Variants in PON3 observed in about 807,000 individuals in gnomAD.
The protein encoded by PON3 is serum paraoxonase/lactonase 3.
PON3 carries 37 observed loss-of-function variants against 36.3 expected under a neutral mutation model. The observed-to-expected ratio is 1.02, with a 90% CI of 0.78 to 1.34. The LOEUF (loss-of-function observed/expected upper bound fraction) is 1.34. PON3 is among the 40% of genes most tolerant of loss of function. The probability of loss-of-function intolerance (pLI) is 0.00; values close to 1 mark genes in which losing one functional copy is unlikely to be tolerated. For synonymous variants in PON3, 155 were observed against 154.8 expected (o/e 1.00, Z -0.01); for missense variants, 415 against 426.5 (o/e 0.97, Z 0.24).
chr7:95,361,967 G>A (rs564560279), intron 8 of PON3, among the ~76,000 whole-genome samples: 9 of 152,172 alleles, frequency 5.9e-5, no homozygotes, highest in South Asian at 2.1e-4. Flanking sequence ...ATTTTGAGGC[G>A]ACAGTTATTT....
At chr7:95,367,865 AC>A (rs1195639977) in intron 4 of PON3, among the ~76,000 whole-genome samples, 1 of 152,196 alleles carries the variant, frequency 6.6e-6, no homozygotes, top group African/African-American at 2.4e-5. Context: ...AGCAAACAAA[AC>A]TTTGCTGAGA....
chr7:95,381,320 T>G (rs1421024464), intron 3 of PON3, among the ~76,000 whole-genome samples: 3 of 152,038 alleles, frequency 2.0e-5, no homozygotes, highest in Admixed American at 6.5e-5. Flanking sequence ...CCAGCTAACA[T>G]CATAATGACA....
chr7:95,366,887 C>A (rs1808705950), intron 5 of PON3, among the ~76,000 whole-genome samples: 1 of 152,220 alleles, frequency 6.6e-6, no homozygotes, highest in African/African-American at 2.4e-5. Flanking sequence ...CAATGCTTAA[C>A]AAATGTAATT....
chr7:95,383,564 C>CA lies in PON3; in HGVS notation c.201+6589dup, dbSNP rs1809114447. ...AGCATTCTTATACACCAATAACAGA[C>CA]AAACAGAGAGCCAAATCATGAGTGA... On this transcript the variant is annotated intron_variant, in intron 3 of 8. Coordinates refer to ENST00000265627, the MANE Select transcript of PON3 (RefSeq NM_000940.3). 3.3e-5 allele frequency among the ~76,000 whole-genome samples: 5 copies of CA among 152,174 alleles called. 1 individual carries two copies. Among genetic ancestry groups the CA allele is most frequent in the African/African-American group, 1.2e-4 (5 of 41,492 alleles).
At chr7:95,396,250 A>G (rs375597140) in intron 1 of PON3, 27 bp downstream of exon 1, 41 of 1,612,194 alleles carry the variant, frequency 2.5e-5, no homozygotes, top group Non-Finnish European at 3.1e-5. Context: ...AAGAGAGTCG[A>G]AGACGCCCTG....
intron 3 of PON3, among the ~76,000 whole-genome samples, chr7:95,384,614 G>A (rs190796375): frequency 2.6e-4 from 40 of 152,230 alleles, no homozygotes; most frequent in Admixed American, 1.5e-3. Context: ...CATCATCACT[G>A]GCCATCAGAG....
chr7:95,380,774 C>T (rs1362258581), intron 3 of PON3, among the ~76,000 whole-genome samples: 1 of 152,222 alleles, frequency 6.6e-6, no homozygotes, highest in African/African-American at 2.4e-5. Context: ...TTGGAAAACA[C>T]TCTGCAGGAT....
At chr7:95,379,308 C>T (rs140436973) in intron 3 of PON3, among the ~76,000 whole-genome samples, 1,742 of 152,318 alleles carry the variant, frequency 0.011, 30 homozygotes, top group South Asian at 0.048. Flanking sequence ...TCTGCATTTC[C>T]AACTGAGGTA....
intron 3 of PON3, among the ~76,000 whole-genome samples, chr7:95,387,424 G>C (rs186172465): frequency 6.6e-6 from 1 of 152,106 alleles, no homozygotes; most frequent in Non-Finnish European, 1.5e-5. Context: ...CAACTTACAA[G>C]GGATGTGAAC....
At chr7:95,370,836 T>C (rs1395074549) in intron 4 of PON3, among the ~76,000 whole-genome samples, 2 of 152,258 alleles carry the variant, frequency 1.3e-5, no homozygotes, top group Non-Finnish European at 2.9e-5. Context: ...ATTCAGACTT[T>C]TAAAATGTAA....
chr7:95,390,288 T>A, intron 2 of PON3, 79 bp from the exon 3 acceptor site: 1 of 1,155,114 alleles, frequency 8.7e-7, no homozygotes, highest in Non-Finnish European at 1.3e-6. Flanking sequence ...ACTACAAATA[T>A]CTTTTGGAAA....
rs181894659 is a variant in PON3 at position 95,396,033 on chromosome 7, A to C, written c.74+244T>G. The C allele has an allele frequency of 1.0e-3, 566 of 555,784 alleles. 4 individuals carry two copies. The highest frequency in any genetic ancestry group is 9.3e-3 in the African/African-American group (494 of 52,884). 34.4% of individuals were successfully genotyped at this position (555,784 alleles called of 1,614,324 possible). A position where few individuals can be genotyped will look rare whatever the true frequency, so the allele number is the denominator to read the frequency against. On this transcript the variant is annotated intron_variant, in intron 1 of 8. Transcript: ENST00000265627. ...GGGGGTCATGACCTTCAGAAAGCAA[A>C]GTGGGGGATCATAACCTTCAAAAAA...
intron 1 of PON3, chr7:95,396,042 T>A: frequency 1.7e-6 from 1 of 576,198 alleles, no homozygotes. Flanking sequence ...AAGTGGGGGA[T>A]CATAACCTTC....
At chr7:95,364,101 G>C (rs1377871541) in intron 5 of PON3, 38 bp from the exon 6 acceptor site, 1 of 1,496,228 alleles carries the variant, frequency 6.7e-7, no homozygotes, top group Non-Finnish European at 9.3e-7. Flanking sequence ...GACCCATGAG[G>C]TATTTAAATA....
At chr7:95,387,954 C>T (rs111376495) in intron 3 of PON3, among the ~76,000 whole-genome samples, 221 of 152,298 alleles carry the variant, frequency 1.5e-3, no homozygotes, top group African/African-American at 5.2e-3. Flanking sequence ...AACTGGATCC[C>T]TTCCTCACAC....
At position 95,394,680 on chromosome 7, in the gene PON3, C is replaced by T. The variant is rs1809390460; in HGVS notation, c.109G>A (p.Val37Ile). 1 of 1,614,058 alleles carries T rather than the reference C, an allele frequency of 6.2e-7. No individual in the cohort carries two copies. The highest frequency in any genetic ancestry group is 1.3e-5 in the African/African-American group (1 of 74,930). The part of the protein sequence containing the change: ...RVNASREVEP[V>I]EPENCHLIEE... ...ATAAGGTGGCAGTTTTCAGGTTCTA[C>T]TGGCTCCACTTCTCGAGAGGCATTC... The change falls in exon 2 of 9, where the codon GTA (valine) becomes ATA (isoleucine). Residue 37 changes from valine (V) to isoleucine (I), a missense_variant. By Grantham distance (29) the Val-to-Ile change is conservative (BLOSUM62 3). Transcript: ENST00000265627.
chr7:95,383,736 C>T (rs1223309348), intron 3 of PON3, among the ~76,000 whole-genome samples: 1 of 152,196 alleles, frequency 6.6e-6, no homozygotes, highest in African/African-American at 2.4e-5. Context: ...ATTCCATGCT[C>T]ATGAATAGGA....
chr7:95,391,501 G>T (rs929235198), intron 2 of PON3, among the ~76,000 whole-genome samples: 4 of 152,184 alleles, frequency 2.6e-5, no homozygotes, highest in African/African-American at 9.7e-5. Flanking sequence ...TATGAGATAT[G>T]ATTTCCAGAG....
At position 95,396,374 on chromosome 7, in the gene PON3, C is replaced by T. The variant is rs1198388090; in HGVS notation, c.-24G>A. The T allele has an allele frequency of 1.9e-6, 3 of 1,612,408 alleles. No homozygotes were observed. The highest frequency in any genetic ancestry group is 2.7e-5 in the African/African-American group (2 of 74,878). On this transcript the variant is annotated 5_prime_UTR_variant, in exon 1 of 9. Coordinates refer to ENST00000265627, the MANE Select transcript of PON3 (RefSeq NM_000940.3). The stretch of plus-strand genomic sequence containing the variant: ...ATGGTCTCGGGGTGCCCAGCGGCGA[C>T]TGCGCGGCGCCGAGAGCTCTCGGGG...
Sources: gnomAD v4.1 joint callset for allele counts (sites outside exome capture counted in the v4.1 genomes callset) on GRCh38, gnomAD v4.1.1 for gene constraint, MANE v1.5 for transcripts, NCBI Gene and HGNC (gene_info 2026-07-23, HGNC 2026-07-21) for gene names.